Variants in CACNG2 observed in about 807,000 individuals in gnomAD.
CACNG2 encodes calcium voltage-gated channel auxiliary subunit gamma 2.
CACNG2 carries 3 observed loss-of-function variants against 25.9 expected under a neutral mutation model. The ratio of observed to expected loss-of-function variants is 0.12; its 90% confidence interval spans 0.05 to 0.30. The LOEUF is 0.30. CACNG2 is among the 10% of genes least tolerant of loss of function. The pLI is 1.00. For missense variants in CACNG2, 341 were observed against 432.5 expected, an observed-to-expected ratio of 0.79 and a Z score of 1.88; for synonymous variants, 167 against 173.3, an observed-to-expected ratio of 0.96 and a Z score of 0.29.
intron 1 of CACNG2, among the ~76,000 whole-genome samples, chr22:36,649,349 C>T (rs1054334705): frequency 7.2e-5 from 11 of 152,010 alleles, no homozygotes; most frequent in African/African-American, 2.2e-4. Flanking sequence ...TGGAGTACGG[C>T]GGTGTGATCT....
At chr22:36,607,818 T>C (rs1555895421) in intron 1 of CACNG2, among the ~76,000 whole-genome samples, 1 of 152,288 alleles carries the variant, frequency 6.6e-6, no homozygotes, top group Middle Eastern at 3.4e-3. Context: ...AAAACTCTCA[T>C]CTTCTCAGCT....
chr22:36,594,022 G>T (rs918583856), intron 1 of CACNG2, among the ~76,000 whole-genome samples: 3 of 152,152 alleles, frequency 2.0e-5, no homozygotes, highest in Admixed American at 6.5e-5. Flanking sequence ...ATTTCCCTAA[G>T]GCCAGCCTAG....
chr22:36,615,638 T>G (rs1375609774), intron 1 of CACNG2, among the ~76,000 whole-genome samples: 1 of 152,230 alleles, frequency 6.6e-6, no homozygotes, highest in East Asian at 1.9e-4. Flanking sequence ...ACATTTTTAT[T>G]TATTTTTATG....
intron 1 of CACNG2, among the ~76,000 whole-genome samples, chr22:36,661,514 A>G (rs1936794579): frequency 6.6e-6 from 1 of 152,202 alleles, no homozygotes; most frequent in Non-Finnish European, 1.5e-5. Flanking sequence ...CATTGAAAAC[A>G]GAACCCTGCT....
chr22:36,601,898 T>C (rs927128010), intron 1 of CACNG2, among the ~76,000 whole-genome samples: 6 of 152,178 alleles, frequency 3.9e-5, no homozygotes, highest in African/African-American at 1.4e-4. Flanking sequence ...AACTCCATAC[T>C]ATTTTCCATA....
At chr22:36,671,591 T>G (rs576333555) in intron 1 of CACNG2, among the ~76,000 whole-genome samples, 2 of 152,214 alleles carry the variant, frequency 1.3e-5, no homozygotes, top group East Asian at 3.9e-4. Flanking sequence ...CTCATTCTTT[T>G]GCAAAGCACT....
chr22:36,597,244 G>T (rs1213716100), intron 1 of CACNG2, among the ~76,000 whole-genome samples: 4 of 152,154 alleles, frequency 2.6e-5, no homozygotes, highest in Non-Finnish European at 4.4e-5. Context: ...GGCTGGTCTT[G>T]AGCTCATGAC....
chr22:36,689,007 A>G (rs1248168257), intron 1 of CACNG2, among the ~76,000 whole-genome samples: 1 of 152,092 alleles, frequency 6.6e-6, no homozygotes. Flanking sequence ...TTTTGGGCCT[A>G]TCTCCTTTGT....
intron 1 of CACNG2, among the ~76,000 whole-genome samples, chr22:36,599,657 G>C (rs1935725586): frequency 6.6e-6 from 1 of 152,150 alleles, no homozygotes; most frequent in Non-Finnish European, 1.5e-5. Context: ...CCATGATCAT[G>C]CTACTGCACT....
chr22:36,684,631 A>AAAAC (rs1937172400), intron 1 of CACNG2, among the ~76,000 whole-genome samples: 1 of 151,482 alleles, frequency 6.6e-6, no homozygotes, highest in East Asian at 1.9e-4. Context: ...AAAAAAAAAA[A>AAAAC]CAAAGTAAAA....
chr22:36,604,055 A>C (rs1334569115), intron 1 of CACNG2, among the ~76,000 whole-genome samples: 1 of 152,220 alleles, frequency 6.6e-6, no homozygotes, highest in Non-Finnish European at 1.5e-5. Context: ...AGATGCCAAT[A>C]AGAACATTTG....
rs149010613 is a variant in CACNG2 at position 36,599,785 on chromosome 22, C to T, written c.212-12237G>A. Among the ~76,000 whole-genome samples, 537 of 152,328 alleles carry T rather than the reference C, an allele frequency of 3.5e-3. 2 individuals carry two copies. Among genetic ancestry groups the T allele is most frequent in the African/African-American group, 0.012 (511 of 41,584 alleles). On this transcript the variant is annotated intron_variant, in intron 1 of 3. Transcript: ENST00000300105. Reference sequence around the variant, plus strand: ...CTAGGAATGCTCTATTTTTTAACTTCGTAATGAGTGCATAGGCACTCTTCA... The same window carrying T: ...CTAGGAATGCTCTATTTTTTAACTTTGTAATGAGTGCATAGGCACTCTTCA...
chr22:36,595,089 A>G (rs1446261962), intron 1 of CACNG2, among the ~76,000 whole-genome samples: 1 of 125,972 alleles, frequency 7.9e-6, no homozygotes, highest in Non-Finnish European at 1.7e-5. Context: ...GTACATGGGT[A>G]TGTGAGTCTG....
At chr22:36,634,953 T>C (rs1048929851) in intron 1 of CACNG2, among the ~76,000 whole-genome samples, 3 of 152,066 alleles carry the variant, frequency 2.0e-5, no homozygotes, top group Admixed American at 2.0e-4. Context: ...ATCACCCAGA[T>C]ATTGGAAGAA....
chr22:36,655,784 C>G (rs576508003), intron 1 of CACNG2, among the ~76,000 whole-genome samples: 1 of 144,400 alleles, frequency 6.9e-6, no homozygotes, highest in Non-Finnish European at 1.5e-5. Context: ...TTCCTTCCTT[C>G]CTTCCTTCCT....
chr22:36,655,800 CTTCT>C (rs1440431510), intron 1 of CACNG2, among the ~76,000 whole-genome samples: 17 of 125,688 alleles, frequency 1.4e-4, no homozygotes, highest in African/African-American at 4.7e-4. Flanking sequence ...TTCCTTCTTT[CTTCT>C]TTCTTTCTTT....
intron 1 of CACNG2, among the ~76,000 whole-genome samples, chr22:36,684,647 T>C (rs1482229576): frequency 2.0e-5 from 3 of 148,030 alleles, no homozygotes; most frequent in African/African-American, 7.5e-5. Context: ...TAAAAAAAGA[T>C]ATGTGTTTGA....
At position 36,703,240 on chromosome 22, in the gene CACNG2, C is replaced by CGGCGGT; in HGVS notation, c.-665_-664insACCGCC. ...GCTTTCCATGGTTTTGCCCGGGCAG[C>CGGCGGT]GGCGGCGGCGGCGGCGGCGGCGGCA... On this transcript the variant is annotated 5_prime_UTR_variant, in exon 1 of 4. Transcript: ENST00000300105. 1 of 152,786 alleles carries CGGCGGT rather than the reference C, an allele frequency of 6.5e-6. No homozygotes were observed. The allele number at this position is 152,786 out of a possible 1,614,324, so 9.5% of individuals were successfully genotyped here.
At chr22:36,575,418 A>G (rs930009335) in intron 2 of CACNG2, among the ~76,000 whole-genome samples, 1 of 151,776 alleles carries the variant, frequency 6.6e-6, no homozygotes, top group Admixed American at 6.6e-5. Context: ...ACGCTGTGAC[A>G]TGGTGCTTCA....
Sources: allele counts gnomAD v4.1 joint callset (sites outside exome capture counted in the v4.1 genomes callset), GRCh38; gene constraint gnomAD v4.1.1; transcripts MANE v1.5; gene names NCBI Gene and HGNC (gene_info 2026-07-23, HGNC 2026-07-21).